Variants in PEBP4 observed in about 807,000 individuals in gnomAD.
PEBP4 encodes the protein phosphatidylethanolamine binding protein 4.
A neutral mutation model predicts 23.9 loss-of-function variants in PEBP4; 22 were observed. The ratio of observed to expected loss-of-function variants is 0.92; its 90% confidence interval spans 0.66 to 1.31. The LOEUF (loss-of-function observed/expected upper bound fraction) is 1.31, where lower values mean the gene tolerates loss of function less well. Among genes scored for constraint, PEBP4 ranks in the 40% most tolerant of loss-of-function variants. The pLI, the probability that PEBP4 is intolerant of heterozygous loss-of-function variation, is 0.00. For synonymous variants in PEBP4, 112 were observed against 99.3 expected (o/e 1.13, Z -0.76); for missense variants, 324 against 281.7 (o/e 1.15, Z -1.07).
chr8:22,749,805 C>CTTTTTTTTTTTGTTTTTTTT (rs1805209905), intron 4 of PEBP4, among the ~76,000 whole-genome samples: 1 of 83,762 alleles, frequency 1.2e-5, no homozygotes, highest in African/African-American at 3.9e-5. Flanking sequence ...GTTTGTCATT[C>CTTTTTTTTTTTGTTTTTTTT]TTTTTTTTTT....
chr8:22,824,245 TA>T (rs1221933265), intron 3 of PEBP4, among the ~76,000 whole-genome samples: 2 of 152,220 alleles, frequency 1.3e-5, no homozygotes, highest in African/African-American at 4.8e-5. Context: ...CTTTTATACT[TA>T]GACAAAAAGA....
rs1805802879 is a variant in PEBP4 at position 22,775,741 on chromosome 8, C to T, written c.357+41896G>A. Among the ~76,000 whole-genome samples the T allele has an allele frequency of 6.6e-6, 1 of 152,100 alleles. No individual in the cohort carries two copies. The highest frequency in any genetic ancestry group is 6.5e-5 in the Admixed American group (1 of 15,284). On this transcript the variant is annotated intron_variant, in intron 4 of 6. Coordinates refer to ENST00000256404, the MANE Select transcript of PEBP4 (RefSeq NM_144962.3). The surrounding 1 kb of genome is among the most constrained non-coding windows in gnomAD (Gnocchi z 4.8). ...GCTTCCCTCAGCCCTCCTGTGCACT[C>T]ACAGGAGGCTCGAGGAGACAGACAG...
intron 4 of PEBP4, among the ~76,000 whole-genome samples, chr8:22,810,675 T>C (rs1316470095): frequency 3.8e-4 from 22 of 57,416 alleles, no homozygotes; most frequent in African/African-American, 1.4e-3. Flanking sequence ...GAGGGGTGTG[T>C]GTGTGTGTGT....
At chr8:22,853,371 A>C (rs531940983) in intron 3 of PEBP4, among the ~76,000 whole-genome samples, 2 of 152,152 alleles carry the variant, frequency 1.3e-5, no homozygotes, top group Non-Finnish European at 2.9e-5. Context: ...GTGGATGTAA[A>C]CCTGGAGCAT....
At chr8:22,719,276 T>C (rs552593008) in intron 6 of PEBP4, among the ~76,000 whole-genome samples, 8 of 152,288 alleles carry the variant, frequency 5.3e-5, no homozygotes, top group Admixed American at 4.6e-4. Context: ...GTTGACACCA[T>C]CCTGGGCGCT....
chr8:22,752,550 G>A (rs761923934), intron 4 of PEBP4, among the ~76,000 whole-genome samples: 15 of 152,304 alleles, frequency 9.8e-5, no homozygotes, highest in East Asian at 1.9e-4. Flanking sequence ...AAGACTGCGC[G>A]TGTCTGTGTA....
At chr8:22,869,350 G>T (rs1472552030) in intron 3 of PEBP4, among the ~76,000 whole-genome samples, 1 of 152,120 alleles carries the variant, frequency 6.6e-6, no homozygotes, top group Non-Finnish European at 1.5e-5. Flanking sequence ...TTATTTTTGT[G>T]TATGTCTCCC....
chr8:22,898,007 A>G (rs1176070361), intron 3 of PEBP4, among the ~76,000 whole-genome samples: 1 of 152,112 alleles, frequency 6.6e-6, no homozygotes, highest in Non-Finnish European at 1.5e-5. Flanking sequence ...CAAGCCAAGG[A>G]GGGAGCCCTC....
chr8:22,924,806 C>T (rs908969003), intron 2 of PEBP4: 14 of 985,192 alleles, frequency 1.4e-5, no homozygotes, highest in African/African-American at 1.2e-4. Context: ...TTGGGACCGT[C>T]GGTGGTTTTG....
upstream of PEBP4, among the ~76,000 whole-genome samples, chr8:22,931,637 G>C (rs552074815): frequency 6.6e-6 from 1 of 152,190 alleles, no homozygotes; most frequent in East Asian, 1.9e-4. Context: ...GGGCTGGAAT[G>C]CAGTGGCATG....
At chr8:22,724,692 C>G (rs1585237065) in intron 6 of PEBP4, 151 bp downstream of exon 6, 1 of 634,656 alleles carries the variant, frequency 1.6e-6, no homozygotes, top group East Asian at 2.8e-5. Context: ...GCACTCCTTC[C>G]AGTTCACTCC....
intron 3 of PEBP4, among the ~76,000 whole-genome samples, chr8:22,896,546 T>C (rs191724185): frequency 6.6e-6 from 1 of 152,326 alleles, no homozygotes; most frequent in East Asian, 1.9e-4. Context: ...TGATTCAGCA[T>C]TTTCTGGCTC....
intron 3 of PEBP4, among the ~76,000 whole-genome samples, chr8:22,910,730 TC>T (rs1808920176): frequency 6.6e-6 from 1 of 152,220 alleles, no homozygotes; most frequent in East Asian, 1.9e-4. Context: ...ATTGTATGAT[TC>T]CAACTTTACA....
At chr8:22,864,836 C>G (rs1393322872) in intron 3 of PEBP4, among the ~76,000 whole-genome samples, 1 of 152,228 alleles carries the variant, frequency 6.6e-6, no homozygotes, top group Non-Finnish European at 1.5e-5. Flanking sequence ...ACCACGGGGG[C>G]CGCTGGGCAC....
rs190235666 is a variant in PEBP4, at chr8:22,860,924, T to C, written c.259-43189A>G. Among the ~76,000 whole-genome samples, 54 of 152,350 alleles carry C rather than the reference T, an allele frequency of 3.5e-4. No homozygotes were observed. In the East Asian group the frequency reaches 7.1e-3, roughly 20 times the overall value. ...GAGGTCTACTTAATGGTTTCTGTATTAGTCATCTCATTTGTAAGCTCTTGA... is the reference window on the plus strand; with the variant it reads ...GAGGTCTACTTAATGGTTTCTGTATCAGTCATCTCATTTGTAAGCTCTTGA... On this transcript the variant is annotated intron_variant, in intron 3 of 6. Transcript: ENST00000256404.
intron 6 of PEBP4, 130 bp downstream of exon 6, chr8:22,724,713 C>T: frequency 1.5e-6 from 1 of 680,232 alleles, no homozygotes; most frequent in Non-Finnish European, 2.6e-6. Flanking sequence ...CAAGAAACAC[C>T]AGCCTTCGAC....
At chr8:22,859,801 C>T (rs935932548) in intron 3 of PEBP4, among the ~76,000 whole-genome samples, 4 of 152,104 alleles carry the variant, frequency 2.6e-5, no homozygotes, top group African/African-American at 9.7e-5. Context: ...AACCTACACT[C>T]TTATGCCTCT....
At chr8:22,733,457 AT>A (rs1333180749) in intron 4 of PEBP4, among the ~76,000 whole-genome samples, 1 of 151,936 alleles carries the variant, frequency 6.6e-6, no homozygotes, top group Non-Finnish European at 1.5e-5. Context: ...CTTTGGCTGG[AT>A]TTGGTAGGTC....
At chr8:22,838,262 A>G (rs551507284) in intron 3 of PEBP4, among the ~76,000 whole-genome samples, 1 of 152,284 alleles carries the variant, frequency 6.6e-6, no homozygotes, top group South Asian at 2.1e-4. Context: ...AGTGCCTAGC[A>G]TACTTTCTTG....
Sources: gnomAD v4.1 joint callset for allele counts (sites outside exome capture counted in the v4.1 genomes callset) on GRCh38, gnomAD v4.1.1 for gene constraint, Gnocchi (gnomAD v3.1) non-coding constraint, MANE v1.5 for transcripts, NCBI Gene and HGNC (gene_info 2026-07-23, HGNC 2026-07-21) for gene names.